The following ZNF521 variants were observed in gnomAD, a reference collection of about 807,000 sequenced individuals.
ZNF521 encodes zinc finger protein 521.
A neutral mutation model predicts 105.5 loss-of-function variants in ZNF521; 14 were observed. The observed-to-expected ratio is 0.13, with a 90% CI of 0.09 to 0.21. The LOEUF is 0.21. Among genes scored for constraint, ZNF521 ranks in the 10% least tolerant of loss-of-function variants. The pLI is 1.00. For missense variants in ZNF521, 1,233 were observed against 1,629.7 expected, an observed-to-expected ratio of 0.76 and a Z score of 4.19; for synonymous variants, 635 against 606.0, an observed-to-expected ratio of 1.05 and a Z score of -0.70.
At chr18:25,152,566 C>A (rs142465104) in intron 5 of ZNF521, among the ~76,000 whole-genome samples, 1,722 of 152,008 alleles carry the variant, frequency 0.011, 34 homozygotes, top group African/African-American at 0.039. Flanking sequence ...AGTGTCTAAC[C>A]AATTACCAAG....
At chr18:25,121,964 C>G (rs1228697572) in intron 5 of ZNF521, among the ~76,000 whole-genome samples, 4 of 151,998 alleles carry the variant, frequency 2.6e-5, no homozygotes, top group Admixed American at 2.6e-4. Flanking sequence ...AAATGCAACA[C>G]ATAGGGCAAA....
At chr18:25,254,758 C>T (rs189265767) in intron 3 of ZNF521, among the ~76,000 whole-genome samples, 26 of 152,196 alleles carry the variant, frequency 1.7e-4, no homozygotes, top group Admixed American at 3.9e-4. Context: ...CACTGTTTTC[C>T]GCTGAGGTTT....
chr18:25,129,446 A>G (rs993822304), intron 5 of ZNF521, among the ~76,000 whole-genome samples: 1 of 151,936 alleles, frequency 6.6e-6, no homozygotes, highest in Non-Finnish European at 1.5e-5. Flanking sequence ...TAGATAGAAC[A>G]CTAAAAGCAT....
rs201816993 is a variant in ZNF521 at position 25,318,952 on chromosome 18, G to GA, written c.220+3055dup. Reference sequence around the variant, plus strand: ...TCATAAAGAACCAGGAGAAAAAAAAGAAAAAAAAAAAAGAAAAGAAAAGAA... The same window carrying GA: ...TCATAAAGAACCAGGAGAAAAAAAAGAAAAAAAAAAAAAGAAAAGAAAAGAA... On this transcript the variant is annotated intron_variant, in intron 3 of 7. Coordinates refer to ENST00000361524, the MANE Select transcript of ZNF521 (RefSeq NM_015461.3). 2.1e-3 allele frequency among the ~76,000 whole-genome samples: 162 copies of GA among 76,018 alleles called. 1 individual carries two copies. The highest frequency in any genetic ancestry group is 7.8e-3 in the Middle Eastern group (1 of 128). The allele number at this position is 76,018 out of a possible 152,430, so 49.9% of individuals were successfully genotyped here.
chr18:25,078,198 G>A (rs975359502), intron 7 of ZNF521, among the ~76,000 whole-genome samples: 1 of 152,188 alleles, frequency 6.6e-6, no homozygotes, highest in African/African-American at 2.4e-5. Context: ...TTATAAAGCT[G>A]CCCTCCTGTT....
At chr18:25,080,184 T>C (rs1445719039) in intron 7 of ZNF521, among the ~76,000 whole-genome samples, 1 of 152,208 alleles carries the variant, frequency 6.6e-6, no homozygotes, top group African/African-American at 2.4e-5. Context: ...CCTGGCCAGT[T>C]AGTTTCCACT....
At chr18:25,239,785 GGGGGA>G (rs1907179191) in intron 3 of ZNF521, among the ~76,000 whole-genome samples, 1 of 152,144 alleles carries the variant, frequency 6.6e-6, no homozygotes, top group South Asian at 2.1e-4. Flanking sequence ...GAAATAGGAG[GGGGGA>G]GGAGAAGGAG....
At chr18:25,160,800 A>C (rs992701936) in intron 5 of ZNF521, among the ~76,000 whole-genome samples, 3 of 152,210 alleles carry the variant, frequency 2.0e-5, no homozygotes, top group African/African-American at 7.2e-5. Flanking sequence ...GGAGGTTGAC[A>C]ATTTTTAGGG....
chr18:25,118,381 A>T (rs943323948), intron 5 of ZNF521, among the ~76,000 whole-genome samples: 2 of 152,032 alleles, frequency 1.3e-5, no homozygotes, highest in South Asian at 4.1e-4. Flanking sequence ...TCTAGTATAC[A>T]TTAAATAATT....
At chr18:25,082,692 A>G (rs55867188) in intron 7 of ZNF521, 18,241 of 416,424 alleles carry the variant, frequency 0.044, 596 homozygotes, top group Middle Eastern at 0.12. Context: ...CACACAAAAA[A>G]TTAGCTGGGT....
chr18:25,241,536 G>C (rs907906454), intron 3 of ZNF521, among the ~76,000 whole-genome samples: 2 of 152,026 alleles, frequency 1.3e-5, no homozygotes, highest in Non-Finnish European at 2.9e-5. Context: ...GGGTCAGGTT[G>C]TTGATGAATA....
chr18:25,062,972 G>A (rs2032949094), intron 7 of ZNF521, among the ~76,000 whole-genome samples: 1 of 152,102 alleles, frequency 6.6e-6, no homozygotes, highest in African/African-American at 2.4e-5. Flanking sequence ...CAGACCCAGA[G>A]ATCTTCTGAA....
At chr18:25,300,258 A>G (rs1386061614) in intron 3 of ZNF521, among the ~76,000 whole-genome samples, 3 of 152,220 alleles carry the variant, frequency 2.0e-5, no homozygotes, top group Admixed American at 6.5e-5. Flanking sequence ...AACCTGGTGA[A>G]AAGCAGATCC....
intron 3 of ZNF521, among the ~76,000 whole-genome samples, chr18:25,316,345 G>C (rs895842540): frequency 3.7e-5 from 5 of 135,948 alleles, no homozygotes; most frequent in Non-Finnish European, 4.7e-5. Context: ...AAAAAGGAAA[G>C]AAAAAAGTAA....
chr18:25,350,798 C>T (rs896060302), intron 2 of ZNF521, 109 bp downstream of exon 2: 3 of 1,279,332 alleles, frequency 2.3e-6, no homozygotes, highest in African/African-American at 3.1e-5. Flanking sequence ...CCCGCACTCA[C>T]ACTCACACTC....
At chr18:25,318,267 A>G (rs1446516834) in intron 3 of ZNF521, among the ~76,000 whole-genome samples, 2 of 152,178 alleles carry the variant, frequency 1.3e-5, no homozygotes, top group Non-Finnish European at 2.9e-5. Context: ...TAGAATAGGT[A>G]AAATGAATCT....
intron 3 of ZNF521, among the ~76,000 whole-genome samples, chr18:25,228,212 C>T (rs1168429927): frequency 6.6e-6 from 1 of 152,164 alleles, no homozygotes; most frequent in Non-Finnish European, 1.5e-5. Flanking sequence ...GGCAATTCTG[C>T]AGACCAAAAT....
chr18:25,183,169 A>G (rs56680461), intron 5 of ZNF521, among the ~76,000 whole-genome samples: 2,967 of 152,274 alleles, frequency 0.019, 49 homozygotes, highest in Middle Eastern at 0.068. Context: ...GATTCAATAT[A>G]CTATATCCTA....
At chr18:25,317,975 C>T (rs1381791009) in intron 3 of ZNF521, among the ~76,000 whole-genome samples, 2 of 151,866 alleles carry the variant, frequency 1.3e-5, no homozygotes, top group South Asian at 2.1e-4. Context: ...CTATTCCTAA[C>T]GAGAGAAATA....
Sources: allele counts gnomAD v4.1 joint callset (sites outside exome capture counted in the v4.1 genomes callset), GRCh38; gene constraint gnomAD v4.1.1; transcripts MANE v1.5; gene names NCBI Gene and HGNC (gene_info 2026-07-23, HGNC 2026-07-21).